Variants in SRCIN1 observed in about 807,000 individuals in gnomAD.
SRCIN1 encodes the protein P130Cas-associated protein.
In SRCIN1, 50 loss-of-function variants were observed where a neutral mutation model predicts 116.2. That is an observed-to-expected ratio of 0.43 (90% CI 0.34 to 0.54). The LOEUF (loss-of-function observed/expected upper bound fraction) is 0.54. SRCIN1 is among the 20% of genes least tolerant of loss of function. The pLI, the probability that SRCIN1 is intolerant of heterozygous loss-of-function variation, is 0.02. For missense variants in SRCIN1, 1,446 were observed against 1,672.0 expected, an observed-to-expected ratio of 0.86 and a Z score of 2.36; for synonymous variants, 736 against 750.0, an observed-to-expected ratio of 0.98 and a Z score of 0.30.
At chr17:38,565,171 T>C (rs1906600444) in intron 3 of SRCIN1, among the ~76,000 whole-genome samples, 1 of 152,188 alleles carries the variant, frequency 6.6e-6, no homozygotes, top group Non-Finnish European at 1.5e-5. Flanking sequence ...GGAGTCAGGA[T>C]GATTTCAACC....
rs1393249983 is a variant in SRCIN1, at chr17:38,604,940, T to C, written c.22+744A>G. 6.7e-6 allele frequency among the ~76,000 whole-genome samples: 1 copy of C among 150,244 alleles called. No individual in the cohort carries two copies. The highest frequency in any genetic ancestry group is 2.5e-5 in the African/African-American group (1 of 40,736). ...TGCAGGGGGAGGGGTTAAGATCAAA[T>C]AGCCCCTCCCTAAACCCCTCCCTCT... On this transcript the variant is annotated intron_variant, in intron 1 of 18. Coordinates refer to ENST00000617146, the MANE Select transcript of SRCIN1 (RefSeq NM_025248.3). The surrounding 1 kb of genome is among the most constrained non-coding windows in gnomAD (Gnocchi z 4.3).
chr17:38,578,647 C>A lies in SRCIN1; in HGVS notation c.167G>T (p.Arg56Leu). The A allele has an allele frequency of 6.3e-7, 1 of 1,592,874 alleles. No individual in the cohort carries two copies. The highest frequency in any genetic ancestry group is 8.5e-7 in the Non-Finnish European group (1 of 1,170,948). ...NVGLVHTSER[R>L]HTVIAAQSLE... ...ACTCTGGGCCGCGATCACCGTGTGC[C>A]GCCGCTCGGACGTGTGCACCAGCCC... The change falls in exon 2 of 19, where the codon CGG (arginine) becomes CTG (leucine). Residue 56 changes from arginine to leucine, a missense_variant. By Grantham distance (102) the Arg-to-Leu change is moderately radical (BLOSUM62 -2). This residue lies in a region of SRCIN1 where 246 missense variants were observed against 265.1 expected (regional missense o/e 0.93). Coordinates refer to ENST00000617146, the MANE Select transcript of SRCIN1 (RefSeq NM_025248.3).
rs1906339700 is a variant in SRCIN1 at position 38,562,496 on chromosome 17, C to A, written c.835-168G>T. On this transcript the variant is annotated intron_variant, in intron 6 of 18. Transcript: ENST00000617146. The surrounding 1 kb of genome is among the most constrained non-coding windows in gnomAD (Gnocchi z 4.2). ...GTCCCTTTCCCATCAGGGTTCCTAG[C>A]ATGGAGGAAAAGGTGGCCGATGAAG... Among the ~76,000 whole-genome samples the A allele has an allele frequency of 6.6e-6, 1 of 152,190 alleles. No individual in the cohort carries two copies. The highest frequency in any genetic ancestry group is 6.5e-5 in the Admixed American group (1 of 15,284).
chr17:38,583,282 C>T (rs1012583357), intron 1 of SRCIN1, among the ~76,000 whole-genome samples: 4 of 152,050 alleles, frequency 2.6e-5, no homozygotes, highest in Admixed American at 1.3e-4. Flanking sequence ...GCCATGTGGC[C>T]CAGGCTGGTC....
In SRCIN1 at chr17:38,559,644, C is replaced by T; in HGVS notation, c.1966G>A (p.Gly656Ser). 1 of 1,603,112 alleles carries T rather than the reference C, an allele frequency of 6.2e-7. No homozygotes were observed. Among genetic ancestry groups the T allele is most frequent in the African/African-American group, 1.3e-5 (1 of 74,936 alleles). ...AAGTCACTGGCGCTGTTCTGCAGGC[C>T]TCGCAGGTGAAGCTGCATCTGCAGC... Reference protein sequence around the residue: ...SRLQMQLHLRGLQNSASDLRG... With the variant: ...SRLQMQLHLRSLQNSASDLRG... Residue 656 changes from glycine to serine, a missense_variant, in exon 10 of 19, where the codon GGC becomes AGC. This residue lies in a region of SRCIN1 where 398 missense variants were observed against 385.6 expected (regional missense o/e 1.03). Transcript: ENST00000617146.
At position 38,568,073 on chromosome 17, in the gene SRCIN1, C is replaced by T. The variant is rs1906836247; in HGVS notation, c.345+138G>A. 6 of 1,056,530 alleles carry T rather than the reference C, an allele frequency of 5.7e-6. No homozygotes were observed. The highest frequency in any genetic ancestry group is 8.6e-6 in the Non-Finnish European group (6 of 701,440). 65.4% of individuals were successfully genotyped at this position (1,056,530 alleles called of 1,614,324 possible). A position where few individuals can be genotyped will look rare whatever the true frequency, so the allele number is the denominator to read the frequency against. On this transcript the variant is annotated intron_variant, in intron 3 of 18. Transcript: ENST00000617146. This position sits in a 1 kb window ranked among gnomAD's most constrained non-coding sequence, Gnocchi z 4.5. The stretch of plus-strand genomic sequence containing the variant: ...CCAAAGCAGCAGCCACAGCCTGCAG[C>T]CCCGAGGCCCACCGCCCATACCAGA...
chr17:38,582,591 G>A (rs576147669), intron 1 of SRCIN1, among the ~76,000 whole-genome samples: 17 of 152,298 alleles, frequency 1.1e-4, no homozygotes, highest in Non-Finnish European at 2.2e-4. Flanking sequence ...GGGGTGAGGC[G>A]GGCAGGAGCT....
rs367715600 is a variant in SRCIN1, at chr17:38,560,097, G to A, written c.1794C>T (p.Ser598=). 7.9e-5 allele frequency: 122 copies of A among 1,549,992 alleles called. No homozygotes were observed. The African/African-American group carries it at 1.5e-3, about 19-fold the overall frequency. Residue 598 remains serine (S), a splice_region_variant and synonymous_variant, in exon 9 of 19, where the codon AGC becomes AGT. Coordinates refer to ENST00000617146, the MANE Select transcript of SRCIN1 (RefSeq NM_025248.3). ...LLRGSEPETP[S]EKIEGSNGAA... The stretch of plus-strand genomic sequence containing the variant: ...CTCCATTGGAGCCTTCAATCTTCTC[G>A]CTGTGGCACAGGGAAAAAAGCCATC...
rs779829853 is a variant in SRCIN1, at chr17:38,560,880, A to G, written c.1701-455T>C. 8.9e-4 allele frequency among the ~76,000 whole-genome samples: 135 copies of G among 152,194 alleles called. 1 individual carries two copies. Among genetic ancestry groups the G allele is most frequent in the Non-Finnish European group, 1.5e-3 (100 of 68,024 alleles). ...CCACGTAAGAGCTGTGTGAAGGCCA[A>G]TGGCTTCTCTTCACTGCTCAGCAGC... is the stretch of plus-strand genomic sequence containing the variant. On this transcript the variant is annotated intron_variant, in intron 7 of 18. Transcript: ENST00000617146.
Position 38,604,301 on chromosome 17 carries a change from AACAG to A in SRCIN1, c.22+1379_22+1382del, listed in dbSNP as rs1316296946. Among the ~76,000 whole-genome samples, 2 of 152,004 alleles carry A rather than the reference AACAG, an allele frequency of 1.3e-5. No homozygotes were observed. The highest frequency in any genetic ancestry group is 4.8e-5 in the African/African-American group (2 of 41,364). ...CCTCACCTGTTTCTCCCTTCCCCAA[AACAG>A]ACAGCAGCTCCTCCATCTCCTTTTG... On this transcript the variant is annotated intron_variant, in intron 1 of 18. Coordinates refer to ENST00000617146, the MANE Select transcript of SRCIN1 (RefSeq NM_025248.3). This position sits in a 1 kb window ranked among gnomAD's most constrained non-coding sequence, Gnocchi z 4.3.
rs1271676711 is a variant in SRCIN1 at position 38,578,676 on chromosome 17, G to A, written c.138C>T (p.Asn46=). The A allele has an allele frequency of 3.2e-6, 5 of 1,556,104 alleles. No individual in the cohort carries two copies. The Admixed American group carries it at 9.5e-5, about 30-fold the overall frequency. The change falls in exon 2 of 19, where the codon AAC becomes AAT. Residue 46 remains asparagine (N), a synonymous_variant. Coordinates refer to ENST00000617146, the MANE Select transcript of SRCIN1 (RefSeq NM_025248.3). Reference sequence around the variant, plus strand: ...GCTCGGACGTGTGCACCAGCCCCACGTTGGAGAAGCGCCGGCCCCCGCTGC... The same window carrying A: ...GCTCGGACGTGTGCACCAGCCCCACATTGGAGAAGCGCCGGCCCCCGCTGC... ...GGGSGGRRFS[N]VGLVHTSERR... is the part of the protein sequence containing the mutation.
intron 2 of SRCIN1, 27 bp downstream of exon 2, chr17:38,578,463 C>T (rs778498964): frequency 6.5e-7 from 1 of 1,548,180 alleles, no homozygotes; most frequent in Admixed American, 1.9e-5. Flanking sequence ...CGGCCGCAGC[C>T]GCAGCCGCAG....
chr17:38,605,550 C>A, intron 1 of SRCIN1, 134 bp downstream of exon 1: 1 of 563,300 alleles, frequency 1.8e-6, no homozygotes, highest in Non-Finnish European at 2.7e-6. Context: ...GCATCCCTCG[C>A]CCCGCCGGCC....
rs1189808146 is a variant in SRCIN1, at chr17:38,544,116, A to G, written c.3271-147T>C. ...AGACCCCTCTCTAGCTCCACACCCG[A>G]GTCCAGAACCCAGGTCCACCCTCTC... is the stretch of plus-strand genomic sequence containing the variant. On this transcript the variant is annotated intron_variant, in intron 17 of 18. Transcript: ENST00000617146. This position sits in a 1 kb window ranked among gnomAD's most constrained non-coding sequence, Gnocchi z 4.5. The G allele has an allele frequency of 3.0e-5, 30 of 988,234 alleles. No homozygotes were observed. The East Asian group carries it at 8.0e-4, about 26-fold the overall frequency. The allele number at this position is 988,234 out of a possible 1,614,324, so 61.2% of individuals were successfully genotyped here.
At position 38,563,678 on chromosome 17, in the gene SRCIN1, T is replaced by G; in HGVS notation, c.542-157A>C. On this transcript the variant is annotated intron_variant, in intron 4 of 18. Transcript: ENST00000617146. The surrounding 1 kb of genome is among the most constrained non-coding windows in gnomAD (Gnocchi z 5.8). The stretch of plus-strand genomic sequence containing the variant: ...TGCAGATGCACCCAGGCACCTCTCA[T>G]GCTGCCGGCGGGGGCGCCAGGCCGG... 1 of 1,054,094 alleles carries G rather than the reference T, an allele frequency of 9.5e-7. No individual in the cohort carries two copies. The highest frequency in any genetic ancestry group is 2.6e-5 in the East Asian group (1 of 38,670). 65.3% of individuals were successfully genotyped at this position (1,054,094 alleles called of 1,614,324 possible).
At chr17:38,601,627 TACACACAC>T (rs763687918) in intron 1 of SRCIN1, among the ~76,000 whole-genome samples, 1 of 140,052 alleles carries the variant, frequency 7.1e-6, no homozygotes. Flanking sequence ...CCTCAACACA[TACACACAC>T]ACGCACACAC....
chr17:38,546,196 C>T (rs781452257), intron 17 of SRCIN1, among the ~76,000 whole-genome samples: 3 of 152,238 alleles, frequency 2.0e-5, no homozygotes, highest in African/African-American at 7.2e-5. Context: ...TGCCAGGTGC[C>T]GTCACACCCT....
At chr17:38,547,901 G>C (rs1466449461) in intron 17 of SRCIN1, 1 of 172,772 alleles carries the variant, frequency 5.8e-6, no homozygotes, top group Admixed American at 6.4e-5. Context: ...AGAAGGTGGG[G>C]GCAGGTTTGG....
In SRCIN1 at chr17:38,560,341, C is replaced by A; in HGVS notation, c.1785G>T (p.Glu595Asp). 6.2e-7 allele frequency: 1 copy of A among 1,609,204 alleles called. No homozygotes were observed. Among genetic ancestry groups the A allele is most frequent in the Non-Finnish European group, 8.5e-7 (1 of 1,177,802 alleles). ...TGGGAGAGGGGCCTCACCTGGGGGTCTCAGGCTCAGAGCCTCGCAGTAAGG... is the reference window on the plus strand; with the variant it reads ...TGGGAGAGGGGCCTCACCTGGGGGTATCAGGCTCAGAGCCTCGCAGTAAGG... ...QSALLRGSEP[E>D]TPSEKIEGSN... is the part of the protein sequence containing the mutation. Residue 595 changes from glutamate to aspartate, a missense_variant, in exon 8 of 19, where the codon GAG becomes GAT. Transcript: ENST00000617146.
Sources: allele counts gnomAD v4.1 joint callset (sites outside exome capture counted in the v4.1 genomes callset), GRCh38; gene constraint gnomAD v4.1.1; regional missense constraint gnomAD v4.1.1; non-coding constraint Gnocchi (gnomAD v3.1); transcripts MANE v1.5; gene names NCBI Gene and HGNC (gene_info 2026-07-23, HGNC 2026-07-21).